Variants in PCDHGB7 observed in about 807,000 individuals in gnomAD.
PCDHGB7 encodes protocadherin gamma-B7.
PCDHGB7 carries 37 observed loss-of-function variants against 61.4 expected under a neutral mutation model. The observed-to-expected ratio is 0.60, with a 90% CI of 0.46 to 0.79. The LOEUF is 0.79. Among genes scored for constraint, PCDHGB7 ranks in the 30% least tolerant of loss-of-function variants. The pLI, the probability that PCDHGB7 is intolerant of heterozygous loss-of-function variation, is 0.00. For synonymous variants in PCDHGB7, 464 were observed against 503.5 expected, an observed-to-expected ratio of 0.92 and a Z score of 1.05; for missense variants, 1,166 against 1,202.5, an observed-to-expected ratio of 0.97 and a Z score of 0.45.
chr5:141,455,822 CCCCTTTTCCTGT>C (rs2098832641), intron 1 of PCDHGB7, among the ~76,000 whole-genome samples: 2 of 151,688 alleles, frequency 1.3e-5, no homozygotes, highest in African/African-American at 4.8e-5. Flanking sequence ...TTCCCAAGGA[CCCCTTTTCCTGT>C]CTATCTGCAT....
In PCDHGB7 at chr5:141,419,984, C is replaced by A. The variant is rs918632592; in HGVS notation, c.2125C>A (p.Leu709Ile). ...TGTGCTCTTTCTCCTCGCGGTGATT[C>A]TAGCTATTGCTCTACGCCTGCGACA... ...ISVLFLLAVI[L>I]AIALRLRQSF... Residue 709 changes from leucine (L) to isoleucine (I), a missense_variant, in exon 1 of 4, where the codon CTA becomes ATA. Leu to Ile is a conservative substitution (Grantham distance 5). Transcript: ENST00000398594. 27 of 1,613,962 alleles carry A rather than the reference C, an allele frequency of 1.7e-5. No individual in the cohort carries two copies. The highest frequency in any genetic ancestry group is 2.2e-5 in the Non-Finnish European group (26 of 1,179,912).
intron 1 of PCDHGB7, chr5:141,423,222 G>A (rs760308436): frequency 1.2e-6 from 2 of 1,613,688 alleles, no homozygotes; most frequent in Non-Finnish European, 1.7e-6. Context: ...CCGTGGCTGT[G>A]GCCGACAGCA....
chr5:141,492,787 G>A (rs1308203463), intron 1 of PCDHGB7, among the ~76,000 whole-genome samples: 2 of 152,254 alleles, frequency 1.3e-5, no homozygotes, highest in Admixed American at 6.5e-5. Context: ...AGCCTCTATA[G>A]GACAGCAGGA....
intron 1 of PCDHGB7, chr5:141,430,707 CT>C: frequency 6.8e-7 from 1 of 1,478,562 alleles, no homozygotes; most frequent in Non-Finnish European, 9.0e-7. Context: ...GGAACTGCTC[CT>C]GACTTCAGTG....
chr5:141,476,665 C>T lies in PCDHGB7; in HGVS notation c.2416-18142C>T. On this transcript the variant is annotated intron_variant, in intron 1 of 3. Coordinates refer to ENST00000398594, the MANE Select transcript of PCDHGB7 (RefSeq NM_018927.4). This position sits in a 1 kb window ranked among gnomAD's most constrained non-coding sequence, Gnocchi z 7.6. ...GCCGAAATGAATACTTTGCGCTTCG[C>T]GTGCAGACGCGGGAGGACAGCACCA... 6.2e-7 allele frequency: 1 copy of T among 1,614,240 alleles called. No homozygotes were observed. Among genetic ancestry groups the T allele is most frequent in the East Asian group, 2.2e-5 (1 of 44,882 alleles).
chr5:141,494,306 T>G (rs1432951954), intron 1 of PCDHGB7, among the ~76,000 whole-genome samples: 1 of 152,212 alleles, frequency 6.6e-6, no homozygotes, highest in Non-Finnish European at 1.5e-5. Flanking sequence ...AATGTGTCAC[T>G]GCACAACCTG....
chr5:141,433,592 T>C (rs1043652093), intron 1 of PCDHGB7, among the ~76,000 whole-genome samples: 5 of 152,020 alleles, frequency 3.3e-5, no homozygotes, highest in Non-Finnish European at 7.4e-5. Context: ...TCCCAGTACT[T>C]TGGGAGGCCG....
intron 1 of PCDHGB7, among the ~76,000 whole-genome samples, chr5:141,450,267 C>T (rs971441306): frequency 4.6e-5 from 7 of 152,106 alleles, no homozygotes; most frequent in African/African-American, 1.7e-4. Context: ...ATCTGCCCAC[C>T]TCAGCTAAGT....
At position 141,491,825 on chromosome 5, in the gene PCDHGB7, C is replaced by A. The variant is rs948385010; in HGVS notation, c.2416-2982C>A. ...CGGCTTGGTCGCTGGCTGCGCTCCA[C>A]CCGATTCTCGGGATCATTGGACCGT... On this transcript the variant is annotated intron_variant, in intron 1 of 3. Coordinates refer to ENST00000398594, the MANE Select transcript of PCDHGB7 (RefSeq NM_018927.4). This position sits in a 1 kb window ranked among gnomAD's most constrained non-coding sequence, Gnocchi z 6.9. 145 of 1,478,052 alleles carry A rather than the reference C, an allele frequency of 9.8e-5. No homozygotes were observed. Among genetic ancestry groups the A allele is most frequent in the Non-Finnish European group, 1.3e-4 (142 of 1,114,822 alleles). 91.6% of individuals were successfully genotyped at this position (1,478,052 alleles called of 1,614,324 possible). A position where few individuals can be genotyped will look rare whatever the true frequency, so the allele number is the denominator to read the frequency against.
rs536313993 is a variant in PCDHGB7, at chr5:141,436,142, T to G, written c.2415+15868T>G. Among the ~76,000 whole-genome samples, 46 of 152,334 alleles carry G rather than the reference T, an allele frequency of 3.0e-4. No homozygotes were observed. The South Asian group carries it at 3.1e-3, about 10-fold the overall frequency. ...CTCTCCTCCATCATCTTGTATGAAC[T>G]ACCAAAATGTTTATCATATGGACAG... On this transcript the variant is annotated intron_variant, in intron 1 of 3. Coordinates refer to ENST00000398594, the MANE Select transcript of PCDHGB7 (RefSeq NM_018927.4).
intron 1 of PCDHGB7, among the ~76,000 whole-genome samples, chr5:141,425,919 G>C (rs11167745): frequency 0.3 from 45,848 of 152,124 alleles, 8,179 homozygotes; most frequent in African/African-American, 0.5. Context: ...CAGTCACTAC[G>C]AAAACTCATA....
rs1210429084 is a variant in PCDHGB7 at position 141,487,045 on chromosome 5, T to C, written c.2416-7762T>C. 2 of 1,614,088 alleles carry C rather than the reference T, an allele frequency of 1.2e-6. No individual in the cohort carries two copies. Among genetic ancestry groups the C allele is most frequent in the Non-Finnish European group, 1.7e-6 (2 of 1,180,036 alleles). On this transcript the variant is annotated intron_variant, in intron 1 of 3. Coordinates refer to ENST00000398594, the MANE Select transcript of PCDHGB7 (RefSeq NM_018927.4). This position sits in a 1 kb window ranked among gnomAD's most constrained non-coding sequence, Gnocchi z 5.0. ...CCAGCCTGTTTGCAGTCTCTCGATA[T>C]GCTGGGGAGGTGCGGACGGCTGTTC...
chr5:141,453,746 T>C (rs1345046460), intron 1 of PCDHGB7, among the ~76,000 whole-genome samples: 1 of 152,254 alleles, frequency 6.6e-6, no homozygotes, highest in Non-Finnish European at 1.5e-5. Flanking sequence ...TTAAATAACA[T>C]AAGTCTCCTA....
At chr5:141,428,187 C>A in intron 1 of PCDHGB7, 1 of 1,439,502 alleles carries the variant, frequency 6.9e-7, no homozygotes, top group Non-Finnish European at 9.6e-7. Flanking sequence ...GGACAGCCGC[C>A]GCTCTCTGCG....
chr5:141,449,095 T>C (rs2098628347), intron 1 of PCDHGB7, among the ~76,000 whole-genome samples: 1 of 152,204 alleles, frequency 6.6e-6, no homozygotes. Flanking sequence ...AGTTTTTACA[T>C]ATGCAGTATA....
intron 1 of PCDHGB7, among the ~76,000 whole-genome samples, chr5:141,449,134 T>C (rs538592980): frequency 9.2e-4 from 140 of 152,242 alleles, no homozygotes; most frequent in Non-Finnish European, 1.8e-3. Context: ...AGAAATGGAA[T>C]TGAAATTGCT....
rs1408454981 is a variant in PCDHGB7, at chr5:141,489,682, T to C, written c.2416-5125T>C. The C allele has an allele frequency of 6.2e-7, 1 of 1,614,184 alleles. No individual in the cohort carries two copies. The highest frequency in any genetic ancestry group is 8.5e-7 in the Non-Finnish European group (1 of 1,180,024). On this transcript the variant is annotated intron_variant, in intron 1 of 3. Transcript: ENST00000398594. This position sits in a 1 kb window ranked among gnomAD's most constrained non-coding sequence, Gnocchi z 4.5. ...GATGCGCATCTCAGAATCAGCAGCATCTGGGGCACGATTCCCACTGGACAG... is the reference window on the plus strand; with the variant it reads ...GATGCGCATCTCAGAATCAGCAGCACCTGGGGCACGATTCCCACTGGACAG...
intron 1 of PCDHGB7, chr5:141,430,753 G>C (rs1175014357): frequency 6.6e-7 from 1 of 1,504,258 alleles, no homozygotes. Context: ...TCTGGAGGAA[G>C]ATAAGAATGA....
chr5:141,466,669 C>T lies in PCDHGB7; in HGVS notation c.2416-28138C>T, dbSNP rs529252130. The stretch of plus-strand genomic sequence containing the variant: ...TTTCACAAAACATCAGTGATTTCAC[C>T]GTTCTTCCACTCAAGCTTCATCATA... On this transcript the variant is annotated intron_variant, in intron 1 of 3. Transcript: ENST00000398594. Among the ~76,000 whole-genome samples the T allele has an allele frequency of 8.5e-5, 13 of 152,278 alleles. No homozygotes were observed. The East Asian group carries it at 9.6e-4, about 11-fold the overall frequency.
Sources: gnomAD v4.1 joint callset for allele counts (sites outside exome capture counted in the v4.1 genomes callset) on GRCh38, gnomAD v4.1.1 for gene constraint, Gnocchi (gnomAD v3.1) non-coding constraint, MANE v1.5 for transcripts, NCBI Gene and HGNC (gene_info 2026-07-23, HGNC 2026-07-21) for gene names.